B4GALT1: variants seen among roughly 807,000 people sequenced by gnomAD.
The protein encoded by B4GALT1 is N-acetyllactosamine synthase.
B4GALT1 carries 16 observed loss-of-function variants against 34.9 expected under a neutral mutation model. The ratio of observed to expected loss-of-function variants is 0.46; its 90% CI spans 0.31 to 0.70. The LOEUF is 0.70. Among genes scored for constraint, B4GALT1 ranks in the 30% least tolerant of loss-of-function variants. The pLI is 0.05. For missense variants in B4GALT1, 445 were observed against 530.5 expected (o/e 0.84, Z 1.58); for synonymous variants, 221 against 218.1 (o/e 1.01, Z -0.12).
intron 1 of B4GALT1, among the ~76,000 whole-genome samples, chr9:33,147,104 C>T (rs1475426783): frequency 1.3e-5 from 2 of 152,232 alleles, no homozygotes; most frequent in African/African-American, 4.8e-5. Context: ...TAAAAAGCTA[C>T]AGTCAAGTTT....
intron 3 of B4GALT1, among the ~76,000 whole-genome samples, chr9:33,118,412 C>T (rs660497): frequency 0.98 from 149,286 of 152,214 alleles, 73,253 homozygotes; most frequent in East Asian, 1. Flanking sequence ...GTCATCCCAG[C>T]ACTTTGGGAG....
At chr9:33,157,439 A>T (rs372545593) in intron 1 of B4GALT1, among the ~76,000 whole-genome samples, 160 of 152,360 alleles carry the variant, frequency 1.1e-3, no homozygotes, top group African/African-American at 3.7e-3. Context: ...TGAAACCTGG[A>T]ATAGTGTATG....
At chr9:33,148,804 T>TA (rs72391353) in intron 1 of B4GALT1, among the ~76,000 whole-genome samples, 1,696 of 127,714 alleles carry the variant, frequency 0.013, 34 homozygotes, top group African/African-American at 0.036. Flanking sequence ...TGCCTAAAAG[T>TA]AAAAAAAAAA....
At position 33,125,634 on chromosome 9, in the gene B4GALT1, G is replaced by A. The variant is rs535685856; in HGVS notation, c.649-5028C>T. ...CTCCCTGTGTATGTGCACTACACTT[G>A]CAAGCAGCCTTTGTAGGGGCGGGGC... On this transcript the variant is annotated intron_variant, in intron 2 of 5. Transcript: ENST00000379731. 6.0e-5 allele frequency among the ~76,000 whole-genome samples: 9 copies of A among 150,512 alleles called. No homozygotes were observed. The South Asian group carries it at 1.9e-3, about 32-fold the overall frequency.
chr9:33,176,937 A>G, the B4GALT1 span, among the ~76,000 whole-genome samples: 34 of 152,314 alleles, frequency 2.2e-4, 1 homozygote, highest in African/African-American at 8.2e-4. Context: ...AACGGCAACA[A>G]AAAAGTCTTA....
At chr9:33,183,762 C>T in the B4GALT1 span, among the ~76,000 whole-genome samples, 1 of 151,106 alleles carries the variant, frequency 6.6e-6, no homozygotes, top group Admixed American at 6.6e-5. Flanking sequence ...TGCACATGTA[C>T]CCTAAAACTT....
chr9:33,158,946 C>A (rs1001239745), intron 1 of B4GALT1, among the ~76,000 whole-genome samples: 1 of 152,212 alleles, frequency 6.6e-6, no homozygotes, highest in African/African-American at 2.4e-5. Context: ...GGGGTCTCTC[C>A]TGACTTTGGT....
chr9:33,137,176 A>C (rs775401709), intron 1 of B4GALT1, among the ~76,000 whole-genome samples: 6 of 152,222 alleles, frequency 3.9e-5, no homozygotes, highest in Non-Finnish European at 8.8e-5. Flanking sequence ...GCCAAGGCCC[A>C]CAGCTGAGCA....
At chr9:33,150,641 T>C (rs879927472) in intron 1 of B4GALT1, among the ~76,000 whole-genome samples, 1 of 152,168 alleles carries the variant, frequency 6.6e-6, no homozygotes, top group Admixed American at 6.5e-5. Context: ...AACTGTTCTG[T>C]ATCCTGATTG....
At chr9:33,121,823 C>G (rs1840025629) in intron 2 of B4GALT1, among the ~76,000 whole-genome samples, 1 of 152,098 alleles carries the variant, frequency 6.6e-6, no homozygotes, top group Non-Finnish European at 1.5e-5. Context: ...CATACAATGG[C>G]AGATGGTGAT....
chr9:33,130,312 G>GA (rs1423850832), intron 2 of B4GALT1, among the ~76,000 whole-genome samples: 1 of 152,076 alleles, frequency 6.6e-6, no homozygotes, highest in Non-Finnish European at 1.5e-5. Flanking sequence ...TGAGTATTAG[G>GA]AAATGCAGCA....
At chr9:33,172,266 G>A (rs988523443), upstream of B4GALT1, among the ~76,000 whole-genome samples, 1 of 152,096 alleles carries the variant, frequency 6.6e-6, no homozygotes, top group Non-Finnish European at 1.5e-5. Flanking sequence ...GAAAAATTTT[G>A]GGGGGTGGAT....
intron 2 of B4GALT1, among the ~76,000 whole-genome samples, chr9:33,134,639 C>A (rs1181233524): frequency 6.6e-6 from 1 of 152,196 alleles, no homozygotes; most frequent in East Asian, 1.9e-4. Flanking sequence ...GAAACTTTTT[C>A]TCAGACTCGG....
At chr9:33,179,975 C>A in the B4GALT1 span, 11 of 152,168 alleles carry the variant, frequency 7.2e-5, no homozygotes, top group East Asian at 3.9e-4. Context: ...TAAACTGAAT[C>A]CTTTTCCACG....
At chr9:33,142,276 C>A (rs542382201) in intron 1 of B4GALT1, among the ~76,000 whole-genome samples, 3 of 152,074 alleles carry the variant, frequency 2.0e-5, no homozygotes, top group Non-Finnish European at 4.4e-5. Flanking sequence ...CCACCGCGCT[C>A]GGCTGGTTTG....
chr9:33,181,454 A>ACG, the B4GALT1 span, among the ~76,000 whole-genome samples: 1 of 142,944 alleles, frequency 7.0e-6, no homozygotes, highest in South Asian at 2.1e-4. Flanking sequence ...ACACACACAC[A>ACG]CACACAAACT....
chr9:33,150,233 TACACACACAC>T (rs10701535), intron 1 of B4GALT1, among the ~76,000 whole-genome samples: 10 of 138,168 alleles, frequency 7.2e-5, no homozygotes, highest in African/African-American at 1.4e-4. Context: ...TACAGGTAGA[TACACACACAC>T]ACACACACAC....
intron 1 of B4GALT1, among the ~76,000 whole-genome samples, chr9:33,153,316 A>C (rs1217987855): frequency 6.6e-6 from 1 of 152,144 alleles, no homozygotes; most frequent in Non-Finnish European, 1.5e-5. Context: ...CTAACCTTCT[A>C]CCTTAAGACA....
intron 1 of B4GALT1, among the ~76,000 whole-genome samples, chr9:33,145,625 G>A (rs563345520): frequency 5.3e-4 from 78 of 147,764 alleles, no homozygotes; most frequent in Non-Finnish European, 9.8e-4. Context: ...ACACAGGAAA[G>A]AAACTGAAGG....
Sources: allele counts gnomAD v4.1 joint callset (sites outside exome capture counted in the v4.1 genomes callset), GRCh38; gene constraint gnomAD v4.1.1; transcripts MANE v1.5; gene names NCBI Gene and HGNC (gene_info 2026-07-23, HGNC 2026-07-21).